Variants in TRPM3 observed in about 807,000 individuals in gnomAD.
The protein encoded by TRPM3 is transient receptor potential cation channel subfamily M member 3.
TRPM3 carries 77 observed loss-of-function variants against 181.2 expected under a neutral mutation model. The observed-to-expected ratio is 0.42, with a 90% CI of 0.35 to 0.51. TRPM3 has a LOEUF of 0.51. TRPM3 is among the 20% of genes least tolerant of loss of function. TRPM3 has a pLI of 0.01. For synonymous variants in TRPM3, 745 were observed against 796.4 expected (o/e 0.94, Z 1.09); for missense variants, 1,759 against 2,196.7 (o/e 0.80, Z 3.98).
chr9:70,923,266 T>C (rs965533835), intron 1 of TRPM3, among the ~76,000 whole-genome samples: 7 of 152,180 alleles, frequency 4.6e-5, no homozygotes, highest in African/African-American at 1.4e-4. Context: ...CATGTTCATG[T>C]TCACGTTTTA....
chr9:70,842,773 GGTAA>G, intron 5 of TRPM3: 1 of 470,888 alleles, frequency 2.1e-6, no homozygotes, highest in East Asian at 3.1e-5. Context: ...GGGGGTAGGT[GGTAA>G]GTCTTACTTT....
intron 8 of TRPM3, among the ~76,000 whole-genome samples, chr9:70,743,970 G>A (rs2074640937): frequency 6.6e-6 from 1 of 152,070 alleles, no homozygotes; most frequent in African/African-American, 2.4e-5. Flanking sequence ...AAAAAGGCCA[G>A]AGGTATTAAA....
rs1362176470 is a variant in TRPM3, at chr9:71,377,497, A to AACCAACTT, written c.183+69148_183+69155dup. On this transcript the variant is annotated intron_variant, in intron 1 of 24. Coordinates refer to the TRPM3 transcript ENST00000357533. The stretch of plus-strand genomic sequence containing the variant: ...AGAAACATGATATGGACCTTGCCAG[A>AACCAACTT]ACCAACTTACCATGAGACAGTTCTG... 3.8e-4 allele frequency among the ~76,000 whole-genome samples: 58 copies of AACCAACTT among 152,226 alleles called. 1 individual carries two copies. The highest frequency in any genetic ancestry group is 1.4e-3 in the African/African-American group (58 of 41,566).
intron 6 of TRPM3, among the ~76,000 whole-genome samples, chr9:70,791,471 A>G (rs556725066): frequency 3.9e-5 from 6 of 152,314 alleles, no homozygotes; most frequent in Admixed American, 6.5e-5. Flanking sequence ...GCAAGGGTAA[A>G]AATAACATGA....
chr9:71,350,469 G>A (rs1447420033), intron 1 of TRPM3, among the ~76,000 whole-genome samples: 2 of 152,190 alleles, frequency 1.3e-5, no homozygotes, highest in African/African-American at 4.8e-5. Flanking sequence ...AAATACAATA[G>A]GTGGATCGCT....
At chr9:71,252,344 T>C (rs2082397567) in intron 1 of TRPM3, among the ~76,000 whole-genome samples, 1 of 152,184 alleles carries the variant, frequency 6.6e-6, no homozygotes, top group South Asian at 2.1e-4. Context: ...CGTGGACTGT[T>C]ATTGGACATT....
At chr9:70,646,363 T>C (rs2058845546) in intron 9 of TRPM3, among the ~76,000 whole-genome samples, 1 of 152,206 alleles carries the variant, frequency 6.6e-6, no homozygotes, top group Admixed American at 6.5e-5. Flanking sequence ...ATGTGGCACA[T>C]ATACACTATG....
At chr9:70,751,369 A>C (rs2076106632) in intron 8 of TRPM3, among the ~76,000 whole-genome samples, 1 of 152,196 alleles carries the variant, frequency 6.6e-6, no homozygotes, top group African/African-American at 2.4e-5. Context: ...ATATTTCACC[A>C]GGAAATATAG....
rs3041716 is a variant in TRPM3, at chr9:71,332,376, G to GGTGTGTGTGTGTGTGTGTGT, written c.183+114257_183+114276dup. Reference sequence around the variant, plus strand: ...TCTAGGTCAGTGGTTTTCAATGTTGGGTGTGTGTGTGTGTGTGTGTGTGTG... The same window carrying GGTGTGTGTGTGTGTGTGTGT: ...TCTAGGTCAGTGGTTTTCAATGTTGGGTGTGTGTGTGTGTGTGTGTGTGTGTGTGTGTGTGTGTGTGTGTG... On this transcript the variant is annotated intron_variant, in intron 1 of 24. Coordinates refer to the TRPM3 transcript ENST00000357533. Among the ~76,000 whole-genome samples, 77 of 142,322 alleles carry GGTGTGTGTGTGTGTGTGTGT rather than the reference G, an allele frequency of 5.4e-4. 1 individual carries two copies. Among genetic ancestry groups the GGTGTGTGTGTGTGTGTGTGT allele is most frequent in the Middle Eastern group, 3.8e-3 (1 of 262 alleles). 93.4% of individuals were successfully genotyped at this position (142,322 alleles called of 152,430 possible).
At chr9:70,754,747 T>A (rs769968447) in intron 8 of TRPM3, among the ~76,000 whole-genome samples, 1 of 152,112 alleles carries the variant, frequency 6.6e-6, no homozygotes, top group Non-Finnish European at 1.5e-5. Flanking sequence ...CCCCATATAG[T>A]TTGTAAGGGG....
At chr9:70,563,929 G>T (rs1228353722) in intron 22 of TRPM3, among the ~76,000 whole-genome samples, 1 of 152,120 alleles carries the variant, frequency 6.6e-6, no homozygotes, top group African/African-American at 2.4e-5. Flanking sequence ...TTTTCTCTTA[G>T]GCACTTACAG....
intron 1 of TRPM3, among the ~76,000 whole-genome samples, chr9:71,080,277 T>C (rs1051158686): frequency 8.5e-5 from 13 of 152,050 alleles, no homozygotes; most frequent in African/African-American, 2.4e-4. Flanking sequence ...ACAGTAACAC[T>C]AAAGGATGCT....
chr9:71,421,889 C>T (rs916984783), intron 1 of TRPM3, among the ~76,000 whole-genome samples: 6 of 151,936 alleles, frequency 3.9e-5, no homozygotes, highest in Non-Finnish European at 8.8e-5. Context: ...TGTCGTTGAC[C>T]ACATCATTAT....
At chr9:71,388,574 C>T (rs990086789) in intron 1 of TRPM3, among the ~76,000 whole-genome samples, 1 of 152,182 alleles carries the variant, frequency 6.6e-6, no homozygotes, top group Middle Eastern at 3.4e-3. Context: ...CAGAATTAAT[C>T]CATACTCCTC....
rs2993023 is a variant in TRPM3, at chr9:70,929,176, T to C, written c.178-64665A>G. 8.2e-3 allele frequency among the ~76,000 whole-genome samples: 1,253 copies of C among 152,174 alleles called. 18 individuals carry two copies. The highest frequency in any genetic ancestry group is 0.029 in the African/African-American group (1,201 of 41,556). ...AGACCTTAAACATTGACTTTTTTTTTTTTTGCCTCATCTCTTAAATATAAT... is the reference window on the plus strand; with the variant it reads ...AGACCTTAAACATTGACTTTTTTTTCTTTTGCCTCATCTCTTAAATATAAT... On this transcript the variant is annotated intron_variant, in intron 1 of 25. Coordinates refer to ENST00000677713, the MANE Select transcript of TRPM3 (RefSeq NM_001366145.2).
chr9:71,046,591 C>T (rs998796254), intron 1 of TRPM3, among the ~76,000 whole-genome samples: 8 of 152,112 alleles, frequency 5.3e-5, no homozygotes, highest in Admixed American at 2.6e-4. Flanking sequence ...TGCCTGTCTC[C>T]GGATCTATCC....
At chr9:71,446,724 C>T in exon 1 of TRPM3, 1 of 1,550,614 alleles carries the variant, frequency 6.4e-7, no homozygotes, top group Non-Finnish European at 8.7e-7. Flanking sequence ...TTCCACGACT[C>T]GGCAAACCTG....
intron 22 of TRPM3, among the ~76,000 whole-genome samples, chr9:70,562,658 G>A (rs1337884217): frequency 6.6e-6 from 1 of 151,810 alleles, no homozygotes; most frequent in African/African-American, 2.4e-5. Flanking sequence ...TGGGGGAGAA[G>A]TGGGGAGAAT....
Position 71,099,847 on chromosome 9 carries a change from AAG to A in TRPM3, c.177+21329_177+21330del, listed in dbSNP as rs570771545. ...TTACAGATGAGGAAACTGAGGTTTA[AAG>A]AGAGTAAATCCTTTACCCAAAGTCA... On this transcript the variant is annotated intron_variant, in intron 1 of 25. Transcript: ENST00000677713. Among the ~76,000 whole-genome samples, 72 of 152,276 alleles carry A rather than the reference AAG, an allele frequency of 4.7e-4. 1 individual carries two copies. The highest frequency in any genetic ancestry group is 4.4e-3 in the Admixed American group (67 of 15,272).
Sources: gnomAD v4.1 joint callset for allele counts (sites outside exome capture counted in the v4.1 genomes callset) on GRCh38, gnomAD v4.1.1 for gene constraint, MANE v1.5 for transcripts, NCBI Gene and HGNC (gene_info 2026-07-23, HGNC 2026-07-21) for gene names.